Variants in PTPRD observed in about 807,000 individuals in gnomAD.
PTPRD encodes the protein receptor-type tyrosine-protein phosphatase delta.
A neutral mutation model predicts 214.5 loss-of-function variants in PTPRD; 34 were observed. The ratio of observed to expected loss-of-function variants is 0.16; its 90% CI spans 0.12 to 0.21. PTPRD has a LOEUF of 0.21. Among genes scored for constraint, PTPRD ranks in the 10% least tolerant of loss-of-function variants. The pLI is 1.00. For missense variants in PTPRD, 2,545 were observed against 2,398.7 expected (o/e 1.06, Z -1.27); for synonymous variants, 1,128 against 845.7 (o/e 1.33, Z -5.79).
chr9:10,407,292 T>C (rs1280022466), intron 2 of PTPRD, among the ~76,000 whole-genome samples: 6 of 151,552 alleles, frequency 4.0e-5, no homozygotes, highest in East Asian at 2.0e-4. Flanking sequence ...GGTGTGATAA[T>C]TGGATGAATG....
intron 33 of PTPRD, among the ~76,000 whole-genome samples, chr9:8,454,892 C>G (rs2096123604): frequency 6.6e-6 from 1 of 151,542 alleles, no homozygotes; most frequent in Non-Finnish European, 1.5e-5. Context: ...AATACTGCCA[C>G]AATTAATTAT....
intron 10 of PTPRD, among the ~76,000 whole-genome samples, chr9:9,029,099 T>A (rs1057372056): frequency 3.3e-5 from 5 of 151,928 alleles, no homozygotes; most frequent in Non-Finnish European, 7.4e-5. Context: ...TAGTCATTAT[T>A]ATCTATTAAA....
At chr9:9,136,574 T>C (rs143690627) in intron 10 of PTPRD, among the ~76,000 whole-genome samples, 101 of 152,272 alleles carry the variant, frequency 6.6e-4, no homozygotes, top group Non-Finnish European at 1.1e-3. Flanking sequence ...ATATGTGAAA[T>C]CAAGAGTAAC....
chr9:9,959,932 G>A (rs1038938666), intron 4 of PTPRD, among the ~76,000 whole-genome samples: 12 of 152,086 alleles, frequency 7.9e-5, no homozygotes, highest in African/African-American at 2.9e-4. Context: ...AGAGAGATAT[G>A]TCTATACATG....
intron 2 of PTPRD, among the ~76,000 whole-genome samples, chr9:10,411,120 A>G (rs990505273): frequency 2.0e-5 from 3 of 151,800 alleles, no homozygotes; most frequent in African/African-American, 7.2e-5. Flanking sequence ...GTTCAGAATG[A>G]GATTAACAGT....
intron 2 of PTPRD, among the ~76,000 whole-genome samples, chr9:10,438,839 T>C (rs2098739873): frequency 6.6e-6 from 1 of 151,708 alleles, no homozygotes; most frequent in African/African-American, 2.4e-5. Flanking sequence ...TGCCAGGTGT[T>C]TGATGGGTAG....
intron 39 of PTPRD, among the ~76,000 whole-genome samples, chr9:8,353,702 G>A (rs566572675): frequency 5.9e-5 from 9 of 151,906 alleles, no homozygotes; most frequent in African/African-American, 2.2e-4. Flanking sequence ...CCAAAGTGGT[G>A]GGATTACAGG....
intron 10 of PTPRD, among the ~76,000 whole-genome samples, chr9:9,081,763 C>G (rs951448161): frequency 3.3e-5 from 5 of 149,628 alleles, no homozygotes; most frequent in African/African-American, 1.2e-4. Context: ...CCTTCTTTGT[C>G]TTTTTTGATC....
At chr9:8,653,252 C>T (rs957669528) in intron 12 of PTPRD, among the ~76,000 whole-genome samples, 1 of 152,266 alleles carries the variant, frequency 6.6e-6, no homozygotes, top group Non-Finnish European at 1.5e-5. Flanking sequence ...CAATTCGCTA[C>T]ATAAATGGCC....
intron 3 of PTPRD, among the ~76,000 whole-genome samples, chr9:10,231,989 A>AGAGAGAGAGAGAGAGTGTGT (rs1245284728): frequency 4.0e-4 from 37 of 92,492 alleles, no homozygotes; most frequent in African/African-American, 1.4e-3. Flanking sequence ...AGAGAGAGAG[A>AGAGAGAGAGAGAGAGTGTGT]GTGTGTGTGT....
chr9:9,767,070 A>G (rs1257606068), intron 5 of PTPRD, among the ~76,000 whole-genome samples: 1 of 151,946 alleles, frequency 6.6e-6, no homozygotes, highest in South Asian at 2.1e-4. Flanking sequence ...GTAATACTTC[A>G]TAATTTGAAC....
At chr9:10,471,280 G>A (rs539983342) in intron 2 of PTPRD, among the ~76,000 whole-genome samples, 1 of 152,028 alleles carries the variant, frequency 6.6e-6, no homozygotes, top group Non-Finnish European at 1.5e-5. Context: ...ATGTATCCCG[G>A]AACTTAAACT....
intron 8 of PTPRD, among the ~76,000 whole-genome samples, chr9:9,526,201 A>G (rs1047818665): frequency 3.3e-5 from 5 of 152,320 alleles, no homozygotes; most frequent in African/African-American, 1.2e-4. Flanking sequence ...ATACTCTGAT[A>G]TTGTAATGGC....
intron 9 of PTPRD, among the ~76,000 whole-genome samples, chr9:9,346,459 A>C (rs576034062): frequency 2.0e-4 from 31 of 152,272 alleles, no homozygotes; most frequent in African/African-American, 6.3e-4. Context: ...AATGCAATTA[A>C]ACAACTCTAT....
intron 43 of PTPRD, among the ~76,000 whole-genome samples, chr9:8,332,198 AGAC>A (rs1842142830): frequency 6.6e-6 from 1 of 152,230 alleles, no homozygotes; most frequent in Non-Finnish European, 1.5e-5. Flanking sequence ...CATGTCATCC[AGAC>A]CAGAGCTTTT....
chr9:9,429,400 C>T (rs1334605098), intron 8 of PTPRD, among the ~76,000 whole-genome samples: 3 of 151,992 alleles, frequency 2.0e-5, no homozygotes, highest in South Asian at 2.1e-4. Context: ...GAAATTGAGG[C>T]AATAATGAAG....
chr9:9,924,786 TAA>T (rs1415770499), intron 5 of PTPRD, among the ~76,000 whole-genome samples: 15 of 152,204 alleles, frequency 9.9e-5, no homozygotes, highest in African/African-American at 3.6e-4. Flanking sequence ...ACTTGAAAGC[TAA>T]AGTTTTGTGG....
chr9:8,875,604 G>A (rs2098380327), intron 11 of PTPRD, among the ~76,000 whole-genome samples: 2 of 141,392 alleles, frequency 1.4e-5, no homozygotes, highest in South Asian at 2.6e-4. Context: ...GAATATAGCA[G>A]AAACAGGAAG....
intron 10 of PTPRD, among the ~76,000 whole-genome samples, chr9:9,147,908 G>T (rs2154485808): frequency 6.6e-6 from 1 of 152,276 alleles, no homozygotes; most frequent in African/African-American, 2.4e-5. Flanking sequence ...GAAGGCAGTT[G>T]TGGAAGGTGG....
Sources: gnomAD v4.1 joint callset for allele counts (sites outside exome capture counted in the v4.1 genomes callset) on GRCh38, gnomAD v4.1.1 for gene constraint, MANE v1.5 for transcripts, NCBI Gene and HGNC (gene_info 2026-07-23, HGNC 2026-07-21) for gene names.